Variants in B3GALNT1 observed in about 807,000 individuals in gnomAD.
B3GALNT1 encodes UDP-GalNAc:beta-1,3-N-acetylgalactosaminyltransferase 1.
A neutral mutation model predicts 27.3 loss-of-function variants in B3GALNT1; 17 were observed. That is an observed-to-expected ratio of 0.62 (90% CI 0.43 to 0.94). The LOEUF (loss-of-function observed/expected upper bound fraction) is 0.94, where lower values mean the gene tolerates loss of function less well. Ranked by LOEUF, B3GALNT1 falls within the 40% of genes least tolerant of loss-of-function variation. The probability of loss-of-function intolerance (pLI) is 0.00; values close to 1 mark genes in which losing one functional copy is unlikely to be tolerated. For missense variants in B3GALNT1, 347 were observed against 390.0 expected (o/e 0.89, Z 0.93); for synonymous variants, 141 against 144.0 (o/e 0.98, Z 0.15).
chr3:161,098,408 G>A (rs1043476550), intron 4 of B3GALNT1, among the ~76,000 whole-genome samples: 2 of 152,140 alleles, frequency 1.3e-5, no homozygotes, highest in Non-Finnish European at 2.9e-5. Context: ...GTGAAGAGTT[G>A]TCAGAGCTCA....
In B3GALNT1 at chr3:161,086,537, C is replaced by A. The variant is rs780004891; in HGVS notation, c.218G>T (p.Cys73Phe). 1.2e-6 allele frequency: 2 copies of A among 1,614,144 alleles called. No homozygotes were observed. Among genetic ancestry groups the A allele is most frequent in the Non-Finnish European group, 8.5e-7 (1 of 1,180,030 alleles). Residue 73 changes from cysteine to phenylalanine, a missense_variant, in exon 5 of 5, where the codon TGC becomes TTC. Physicochemically the swap from Cys to Phe is radical, Grantham distance 205. Transcript: ENST00000320474. ...FHFTLREHSN[C>F]SHQNPFLVIL... is the part of the protein sequence containing the mutation. ...GACCAGAAATGGATTTTGATGAGAGCAGTTTGAATGCTCTCGAAGTGTGAA... is the reference window on the plus strand; with the variant it reads ...GACCAGAAATGGATTTTGATGAGAGAAGTTTGAATGCTCTCGAAGTGTGAA...
intron 4 of B3GALNT1, among the ~76,000 whole-genome samples, chr3:161,096,024 T>G (rs1480040108): frequency 3.9e-5 from 6 of 152,198 alleles, no homozygotes; most frequent in Non-Finnish European, 4.4e-5. Context: ...TATTTCTATT[T>G]GTTTATTGTC....
chr3:161,103,046 G>C (rs1176696390), intron 3 of B3GALNT1: 1 of 152,066 alleles, frequency 6.6e-6, no homozygotes, highest in Non-Finnish European at 1.5e-5. Flanking sequence ...GAAGAACCAT[G>C]GTATTTTAAT....
chr3:161,086,853 G>A (rs1000364625), intron 4 of B3GALNT1, 65 bp from the exon 5 acceptor site: 8 of 1,477,000 alleles, frequency 5.4e-6, no homozygotes, highest in Non-Finnish European at 6.5e-6. Flanking sequence ...AAAGACATCT[G>A]ACTATCTACT....
chr3:161,104,585 G>C (rs1733261821), intron 1 of B3GALNT1, 179 bp from the exon 2 acceptor site: 3 of 349,752 alleles, frequency 8.6e-6, no homozygotes, highest in Non-Finnish European at 1.7e-5. Flanking sequence ...TTTTTAAAAC[G>C]CCCTGTATGT....
intron 3 of B3GALNT1, 102 bp from the exon 4 acceptor site, chr3:161,101,335 T>C: frequency 1.6e-6 from 1 of 623,340 alleles, no homozygotes. Flanking sequence ...CTTTATCCAC[T>C]GGAGGAAGAG....
In B3GALNT1 at chr3:161,085,684, T is replaced by C. The variant is rs1721279224; in HGVS notation, c.*75A>G. The stretch of plus-strand genomic sequence containing the variant: ...CCAGCACACTGACCTCCCCATGAAT[T>C]TTCCACAGTACCTACTTTATTTAAC... On this transcript the variant is annotated 3_prime_UTR_variant, in exon 5 of 5. Transcript: ENST00000320474. 6 of 1,557,150 alleles carry C rather than the reference T, an allele frequency of 3.9e-6. No homozygotes were observed. Among genetic ancestry groups the C allele is most frequent in the Non-Finnish European group, 5.3e-6 (6 of 1,129,378 alleles).
intron 4 of B3GALNT1, among the ~76,000 whole-genome samples, chr3:161,098,754 G>C (rs930806024): frequency 1.8e-4 from 27 of 152,178 alleles, no homozygotes; most frequent in African/African-American, 5.6e-4. Flanking sequence ...TAATGCATCT[G>C]TATTCCAAAT....
At chr3:161,103,383 T>TA in intron 3 of B3GALNT1, 44 bp downstream of exon 3, 1 of 997,908 alleles carries the variant, frequency 1.0e-6, no homozygotes, top group Non-Finnish European at 1.4e-6. Context: ...TGGGCATTTT[T>TA]AACCAATTAG....
chr3:161,101,641 A>C (rs1221143610), intron 3 of B3GALNT1, among the ~76,000 whole-genome samples: 3 of 152,162 alleles, frequency 2.0e-5, no homozygotes, highest in Non-Finnish European at 4.4e-5. Flanking sequence ...CCTAGAGAAC[A>C]TGGGGGAGGC....
intron 4 of B3GALNT1, among the ~76,000 whole-genome samples, chr3:161,092,881 G>A (rs1322105416): frequency 3.5e-5 from 5 of 144,612 alleles, no homozygotes; most frequent in South Asian, 2.3e-4. Context: ...TGCCTCAGCC[G>A]CCTGAGTAGC....
chr3:161,104,456 C>T (rs1434116546), intron 1 of B3GALNT1, 50 bp from the exon 2 acceptor site: 1 of 873,018 alleles, frequency 1.1e-6, no homozygotes. Flanking sequence ...GCAAATCTCC[C>T]TCCTAAATCC....
chr3:161,104,029 G>T, intron 2 of B3GALNT1: 1 of 232,874 alleles, frequency 4.3e-6, no homozygotes, highest in East Asian at 1.4e-4. Flanking sequence ...GCCCGGCCTG[G>T]ATGCTGTTTT....
chr3:161,086,484 C>T lies in B3GALNT1; in HGVS notation c.271G>A (p.Val91Met). Residue 91 changes from valine (V) to methionine (M), a missense_variant, in exon 5 of 5, where the codon GTG becomes ATG. Val to Met is a conservative substitution (Grantham distance 21). Coordinates refer to ENST00000320474, the MANE Select transcript of B3GALNT1 (RefSeq NM_003781.4). ...ACTCTAATGGCCTGCCTGGCTTTCA[C>T]ATCTGAAGGGTGGGAGGTCACCAGA... ...VILVTSHPSDVKARQAIRVTW... is the reference protein window; with the variant it reads ...VILVTSHPSDMKARQAIRVTW... 2 of 1,614,044 alleles carry T rather than the reference C, an allele frequency of 1.2e-6. No homozygotes were observed. Among genetic ancestry groups the T allele is most frequent in the Non-Finnish European group, 1.7e-6 (2 of 1,180,030 alleles).
intron 4 of B3GALNT1, among the ~76,000 whole-genome samples, chr3:161,096,873 T>C (rs184680516): frequency 5.1e-4 from 77 of 152,140 alleles, no homozygotes; most frequent in African/African-American, 1.8e-3. Flanking sequence ...CCAAGCGGGA[T>C]CCCAGGCCAA....
rs143599935 is a variant in B3GALNT1, at chr3:161,089,371, AT to A, written c.-34-2584del. On this transcript the variant is annotated intron_variant, in intron 4 of 4. Coordinates refer to ENST00000320474, the MANE Select transcript of B3GALNT1 (RefSeq NM_003781.4). Reference sequence around the variant, plus strand: ...CCTGAAAAGGAGGGAGGGGCAAAAAATTTTTTCATGTGGTTAAAAAATGTAA... The same window carrying A: ...CCTGAAAAGGAGGGAGGGGCAAAAAATTTTTCATGTGGTTAAAAAATGTAA... 7.0e-3 allele frequency among the ~76,000 whole-genome samples: 1,062 copies of A among 152,026 alleles called. 89 individuals carry two copies. The East Asian group carries it at 0.17, about 25-fold the overall frequency.
intron 4 of B3GALNT1, among the ~76,000 whole-genome samples, chr3:161,099,100 G>A (rs1045198175): frequency 1.3e-5 from 2 of 152,112 alleles, no homozygotes; most frequent in East Asian, 3.9e-4. Flanking sequence ...ACATTTCTTG[G>A]GCTTGTGCTG....
rs1265115855 is a variant in B3GALNT1, at chr3:161,084,642, A to G, written c.*1117T>C. The G allele has an allele frequency of 6.6e-6, 1 of 152,228 alleles. No homozygotes were observed. The highest frequency in any genetic ancestry group is 1.5e-5 in the Non-Finnish European group (1 of 68,026). The allele number at this position is 152,228 out of a possible 1,614,324, so 9.4% of individuals were successfully genotyped here. On this transcript the variant is annotated 3_prime_UTR_variant, in exon 5 of 5. Coordinates refer to ENST00000320474, the MANE Select transcript of B3GALNT1 (RefSeq NM_003781.4). ...CTTTCTATAAAAGCACAAAATTTAAATCGGATTTGACTTTACATATTAGGG... is the reference window on the plus strand; with the variant it reads ...CTTTCTATAAAAGCACAAAATTTAAGTCGGATTTGACTTTACATATTAGGG...
At chr3:161,100,510 G>C (rs1368642839) in intron 4 of B3GALNT1, among the ~76,000 whole-genome samples, 2 of 152,192 alleles carry the variant, frequency 1.3e-5, no homozygotes, top group African/African-American at 2.4e-5. Flanking sequence ...TCAGTGTGCT[G>C]AGGTATAAGA....
Sources: allele counts gnomAD v4.1 joint callset (sites outside exome capture counted in the v4.1 genomes callset), GRCh38; gene constraint gnomAD v4.1.1; transcripts MANE v1.5; gene names NCBI Gene and HGNC (gene_info 2026-07-23, HGNC 2026-07-21).